The following MAPK4 variants were observed in gnomAD, a reference collection of about 807,000 sequenced individuals.
MAPK4 encodes mitogen-activated protein kinase 4.
A neutral mutation model predicts 47.7 loss-of-function variants in MAPK4; 22 were observed. The observed-to-expected ratio is 0.46, with a 90% CI of 0.33 to 0.66. The LOEUF (loss-of-function observed/expected upper bound fraction) is 0.66, where lower values mean the gene tolerates loss of function less well. Among genes scored for constraint, MAPK4 ranks in the 30% least tolerant of loss-of-function variants. The pLI is 0.02. For missense variants in MAPK4, 736 were observed against 831.7 expected (o/e 0.88, Z 1.42); for synonymous variants, 390 against 365.7 (o/e 1.07, Z -0.76).
chr18:50,648,572 C>A (rs1473084299), intron 1 of MAPK4, among the ~76,000 whole-genome samples: 1 of 152,136 alleles, frequency 6.6e-6, no homozygotes, highest in African/African-American at 2.4e-5. Flanking sequence ...TGAACATATT[C>A]ATTGAGGGAT....
chr18:50,689,547 A>C (rs1909095911), intron 2 of MAPK4, among the ~76,000 whole-genome samples: 1 of 152,212 alleles, frequency 6.6e-6, no homozygotes, highest in Admixed American at 6.5e-5. Flanking sequence ...CAGGATGTTC[A>C]AGTTAACAAA....
intron 2 of MAPK4, among the ~76,000 whole-genome samples, chr18:50,687,607 C>A (rs992625192): frequency 5.9e-5 from 9 of 152,366 alleles, no homozygotes; most frequent in African/African-American, 1.9e-4. Context: ...CAGGAGGTAC[C>A]TGCTTAGGAA....
intron 1 of MAPK4, among the ~76,000 whole-genome samples, chr18:50,596,339 T>G (rs1201492650): frequency 6.6e-6 from 1 of 152,168 alleles, no homozygotes; most frequent in Non-Finnish European, 1.5e-5. Flanking sequence ...GTTTGCTTCT[T>G]CTGTTTGATG....
chr18:50,729,981 C>A lies in MAPK4; in HGVS notation c.*127C>A. 1.0e-6 allele frequency: 1 copy of A among 958,552 alleles called. No homozygotes were observed. Among genetic ancestry groups the A allele is most frequent in the South Asian group, 2.1e-5 (1 of 48,676 alleles). The allele number at this position is 958,552 out of a possible 1,614,324, so 59.4% of individuals were successfully genotyped here. The stretch of plus-strand genomic sequence containing the variant: ...GGGTTGGCAGAACACGTGAAGGATC[C>A]GAGGAGCGAGAGGAATGTCCATTTC... On this transcript the variant is annotated 3_prime_UTR_variant, in exon 6 of 6. Transcript: ENST00000400384.
At chr18:50,581,102 G>A (rs1051904219) in intron 1 of MAPK4, among the ~76,000 whole-genome samples, 6 of 152,188 alleles carry the variant, frequency 3.9e-5, no homozygotes, top group African/African-American at 1.2e-4. Context: ...TAAAATGCAC[G>A]AGTGCTTTTG....
In MAPK4 at chr18:50,680,842, T is replaced by G. The variant is rs918180882; in HGVS notation, c.546+16338T>G. Among the ~76,000 whole-genome samples, 3 of 152,234 alleles carry G rather than the reference T, an allele frequency of 2.0e-5. No homozygotes were observed. The East Asian group carries it at 5.8e-4, about 29-fold the overall frequency. Reference sequence around the variant, plus strand: ...TTGTCCATTCATTAGCTGATGGACATTTGGGTTGTTGCTACTTTTTGGCTC... The same window carrying G: ...TTGTCCATTCATTAGCTGATGGACAGTTGGGTTGTTGCTACTTTTTGGCTC... On this transcript the variant is annotated intron_variant, in intron 2 of 5. Coordinates refer to ENST00000400384, the MANE Select transcript of MAPK4 (RefSeq NM_002747.4).
rs527937857 is a variant in MAPK4 at position 50,600,302 on chromosome 18, C to T, written c.-871+40059C>T. On this transcript the variant is annotated intron_variant, in intron 1 of 5. Transcript: ENST00000400384. ...ACAGAATCCCAATTTATTCAGGAAC[C>T]TCTCCCCTCTCCCTAACCAGGCATC... 3.9e-5 allele frequency among the ~76,000 whole-genome samples: 6 copies of T among 152,214 alleles called. No individual in the cohort carries two copies. In the South Asian group the frequency reaches 1.2e-3, roughly 32 times the overall value.
At chr18:50,609,313 C>A (rs1248079816) in intron 1 of MAPK4, among the ~76,000 whole-genome samples, 100 of 151,564 alleles carry the variant, frequency 6.6e-4, no homozygotes, top group Non-Finnish European at 1.2e-3. Flanking sequence ...AGGCGCCCCC[C>A]ACCTCCCGGG....
rs117758499 is a variant in MAPK4 at position 50,576,934 on chromosome 18, G to A, written c.-871+16691G>A. Among the ~76,000 whole-genome samples, 433 of 152,246 alleles carry A rather than the reference G, an allele frequency of 2.8e-3. 7 individuals are homozygous for A. In the East Asian group the frequency reaches 0.05, roughly 17 times the overall value. ...TTCAATTCAGTTTAACAAATATTTC[G>A]GGTAGGTGCTGTAGGAGAGTTACAG... On this transcript the variant is annotated intron_variant, in intron 1 of 5. Coordinates refer to ENST00000400384, the MANE Select transcript of MAPK4 (RefSeq NM_002747.4).
intron 1 of MAPK4, among the ~76,000 whole-genome samples, chr18:50,604,017 T>G (rs573052556): frequency 6.6e-6 from 1 of 152,176 alleles, no homozygotes; most frequent in African/African-American, 2.4e-5. Flanking sequence ...TAGAAGGAAT[T>G]TGAGGCAGGC....
rs141029996 is a variant in MAPK4, at chr18:50,648,804, C to A, written c.-870-14285C>A. Among the ~76,000 whole-genome samples the A allele has an allele frequency of 3.7e-3, 561 of 152,300 alleles. 3 individuals are homozygous for A. Among genetic ancestry groups the A allele is most frequent in the Non-Finnish European group, 6.3e-3 (429 of 68,012 alleles). ...TGCTTTACTGTAGCCTCACCCCTAC[C>A]CTCGCTATGCTTGCCCTGGGAGGTG... On this transcript the variant is annotated intron_variant, in intron 1 of 5. Transcript: ENST00000400384.
chr18:50,704,564 T>C, intron 2 of MAPK4: 1 of 398,650 alleles, frequency 2.5e-6, no homozygotes, highest in Non-Finnish European at 4.4e-6. Flanking sequence ...GTGGGTCACA[T>C]TCCAGAGCCT....
chr18:50,729,299 C>G lies in MAPK4; in HGVS notation c.1209C>G (p.Ser403Arg). The G allele has an allele frequency of 6.2e-7, 1 of 1,607,366 alleles. No homozygotes were observed. The highest frequency in any genetic ancestry group is 8.5e-7 in the Non-Finnish European group (1 of 1,177,014). ...VQVDPRKDSH[S>R]SSERFLEQSH... is the part of the protein sequence containing the mutation. ...TGGACCCGCGCAAGGACTCGCACAG[C>G]AGCTCCGAGCGCTTCCTAGAGCAGT... Residue 403 changes from serine to arginine, a missense_variant, in exon 6 of 6, where the codon AGC becomes AGG. Physicochemically the swap from Ser to Arg is moderately radical, Grantham distance 110. This residue lies in a region of MAPK4 where 377 missense variants were observed against 378.6 expected (regional missense o/e 1.00). Transcript: ENST00000400384.
At position 50,591,983 on chromosome 18, in the gene MAPK4, C is replaced by G. The variant is rs918123303; in HGVS notation, c.-871+31740C>G. On this transcript the variant is annotated intron_variant, in intron 1 of 5. Transcript: ENST00000400384. ...ACTGCTGCAGTGGTTAAAAATGAAGCAGCTTTGTACATGGTATTGACTATT... is the reference window on the plus strand; with the variant it reads ...ACTGCTGCAGTGGTTAAAAATGAAGGAGCTTTGTACATGGTATTGACTATT... Among the ~76,000 whole-genome samples the G allele has an allele frequency of 1.2e-4, 18 of 152,240 alleles. No individual in the cohort carries two copies. The South Asian group carries it at 1.7e-3, about 14-fold the overall frequency.
At chr18:50,681,976 G>A (rs1908614229) in intron 2 of MAPK4, among the ~76,000 whole-genome samples, 1 of 152,134 alleles carries the variant, frequency 6.6e-6, no homozygotes, top group South Asian at 2.1e-4. Flanking sequence ...TCACACAAAG[G>A]CCACATATTG....
At chr18:50,685,996 A>G (rs1486376660) in intron 2 of MAPK4, among the ~76,000 whole-genome samples, 3 of 151,916 alleles carry the variant, frequency 2.0e-5, no homozygotes. Context: ...AGGTAAGGAC[A>G]TAGAAATCAG....
intron 1 of MAPK4, among the ~76,000 whole-genome samples, chr18:50,560,468 G>T (rs934929581): frequency 6.6e-6 from 1 of 152,136 alleles, no homozygotes; most frequent in African/African-American, 2.4e-5. Flanking sequence ...TGAGCTCCTC[G>T]CCTGCAGACC....
At chr18:50,599,458 G>A (rs1314735377) in intron 1 of MAPK4, among the ~76,000 whole-genome samples, 1 of 151,944 alleles carries the variant, frequency 6.6e-6, no homozygotes, top group Non-Finnish European at 1.5e-5. Context: ...TCCCGCTGTC[G>A]CCCAGGTTGG....
At chr18:50,649,438 C>T (rs933514694) in intron 1 of MAPK4, among the ~76,000 whole-genome samples, 2 of 152,178 alleles carry the variant, frequency 1.3e-5, no homozygotes, top group Admixed American at 6.5e-5. Flanking sequence ...GGTTCTGTCC[C>T]CTCCTGCCAC....
Sources: gnomAD v4.1 joint callset for allele counts (sites outside exome capture counted in the v4.1 genomes callset) on GRCh38, gnomAD v4.1.1 for gene constraint, gnomAD v4.1.1 regional missense constraint, MANE v1.5 for transcripts, NCBI Gene and HGNC (gene_info 2026-07-23, HGNC 2026-07-21) for gene names.